LIPC: variants seen among roughly 807,000 people sequenced by gnomAD.
The protein encoded by LIPC is lipase C, hepatic type, also known as hepatic triacylglycerol lipase.
Under a neutral mutation model 50.7 loss-of-function variants are expected in LIPC, and 44 were observed. The ratio of observed to expected loss-of-function variants is 0.87; its 90% CI spans 0.68 to 1.11. LIPC has a LOEUF of 1.11. Ranked by LOEUF, LIPC falls within the 50% of genes most tolerant of loss-of-function variation. The probability of loss-of-function intolerance (pLI) is 0.00; values close to 1 mark genes in which losing one functional copy is unlikely to be tolerated. For synonymous variants in LIPC, 271 were observed against 256.4 expected (o/e 1.06, Z -0.54); for missense variants, 697 against 648.2 (o/e 1.08, Z -0.82).
chr15:58,504,325 G>A (rs1050487450), intron 1 of LIPC, among the ~76,000 whole-genome samples: 62 of 152,204 alleles, frequency 4.1e-4, no homozygotes, highest in Non-Finnish European at 1.5e-5. Context: ...TGCTCATTCT[G>A]AATTTATCTT....
At chr15:58,459,575 C>T (rs1232889711) in intron 1 of LIPC, among the ~76,000 whole-genome samples, 15 of 151,966 alleles carry the variant, frequency 9.9e-5, no homozygotes, top group African/African-American at 3.6e-4. Flanking sequence ...GAGAGTCCAC[C>T]AGCAAACAGG....
rs150258367 is a variant in LIPC at position 58,462,305 on chromosome 15, T to C, written c.88+30185T>C. On this transcript the variant is annotated intron_variant, in intron 1 of 8. Coordinates refer to ENST00000299022, the MANE Select transcript of LIPC (RefSeq NM_000236.3). ...AATGTTGATGACTGAATTGACATGATTGATTGATTGGATCAAATGAATGAA... is the reference window on the plus strand; with the variant it reads ...AATGTTGATGACTGAATTGACATGACTGATTGATTGGATCAAATGAATGAA... 4.9e-4 allele frequency among the ~76,000 whole-genome samples: 74 copies of C among 152,286 alleles called. 2 individuals are homozygous for C. The highest frequency in any genetic ancestry group is 1.7e-3 in the African/African-American group (69 of 41,558).
At chr15:58,504,463 C>T (rs1026675078) in intron 1 of LIPC, among the ~76,000 whole-genome samples, 5 of 152,126 alleles carry the variant, frequency 3.3e-5, no homozygotes, top group Non-Finnish European at 5.9e-5. Context: ...GACGTCAACA[C>T]CCCCCTCTCT....
chr15:58,478,174 T>C (rs916675248), intron 1 of LIPC, among the ~76,000 whole-genome samples: 1 of 152,154 alleles, frequency 6.6e-6, no homozygotes, highest in East Asian at 1.9e-4. Context: ...GAATAAATAA[T>C]AGTAGCTCAC....
chr15:58,485,172 T>C (rs1170920085), intron 1 of LIPC, among the ~76,000 whole-genome samples: 1 of 152,098 alleles, frequency 6.6e-6, no homozygotes. Flanking sequence ...TAGAATGCAT[T>C]GGAAGAGGAC....
At chr15:58,481,280 C>T (rs1467566131) in intron 1 of LIPC, among the ~76,000 whole-genome samples, 2 of 152,142 alleles carry the variant, frequency 1.3e-5, no homozygotes, top group Non-Finnish European at 2.9e-5. Flanking sequence ...TTTAAATGCA[C>T]ATACAATTTT....
At chr15:58,534,395 C>T (rs1277305325) in intron 1 of LIPC, among the ~76,000 whole-genome samples, 1 of 152,172 alleles carries the variant, frequency 6.6e-6, no homozygotes, top group African/African-American at 2.4e-5. Context: ...GAGGCTCAGA[C>T]CCCTGGGCTT....
At chr15:58,540,877 T>G (rs933775413) in intron 2 of LIPC, among the ~76,000 whole-genome samples, 3 of 152,242 alleles carry the variant, frequency 2.0e-5, no homozygotes, top group African/African-American at 7.2e-5. Context: ...CTCAGCTCAC[T>G]GCAGACTCGA....
intron 1 of LIPC, among the ~76,000 whole-genome samples, chr15:58,460,402 G>A (rs1336131654): frequency 6.6e-6 from 1 of 152,188 alleles, no homozygotes; most frequent in Non-Finnish European, 1.5e-5. Context: ...TGGGAGGCAG[G>A]GTGGGCACAG....
At position 58,567,214 on chromosome 15, in the gene LIPC, A is replaced by AAAT. The variant is rs1391248827; in HGVS notation, c.1389-1501_1389-1500insATA. Among the ~76,000 whole-genome samples the AAAT allele has an allele frequency of 1.4e-3, 189 of 136,736 alleles. 8 individuals carry two copies. The highest frequency in any genetic ancestry group is 7.3e-3 in the Middle Eastern group (2 of 274). 89.7% of individuals were successfully genotyped at this position (136,736 alleles called of 152,430 possible). ...AGACTCCGTCTCAAAAAAAATAAAA[A>AAAT]ATATATATATATATATGTATATATG... On this transcript the variant is annotated intron_variant, in intron 8 of 8. Coordinates refer to ENST00000299022, the MANE Select transcript of LIPC (RefSeq NM_000236.3).
At chr15:58,519,087 A>G (rs1892572070) in intron 1 of LIPC, among the ~76,000 whole-genome samples, 1 of 152,172 alleles carries the variant, frequency 6.6e-6, no homozygotes, top group Non-Finnish European at 1.5e-5. Context: ...GAAGTGCACA[A>G]TAAGTATTTG....
intron 6 of LIPC, among the ~76,000 whole-genome samples, chr15:58,550,965 T>C (rs1233592125): frequency 1.3e-5 from 2 of 148,770 alleles, no homozygotes; most frequent in Non-Finnish European, 2.9e-5. Context: ...GCCTCCTAAG[T>C]AGCTGGGATT....
chr15:58,482,103 T>C (rs1425530573), intron 1 of LIPC, among the ~76,000 whole-genome samples: 1 of 152,210 alleles, frequency 6.6e-6, no homozygotes, highest in South Asian at 2.1e-4. Flanking sequence ...TTCTTTTAAA[T>C]TTTAACTTTA....
chr15:58,565,896 G>C (rs1308597091), intron 8 of LIPC: 5 of 964,874 alleles, frequency 5.2e-6, no homozygotes, highest in Admixed American at 1.5e-4. Flanking sequence ...CACAGTGCCA[G>C]GTACTATCGG....
At position 58,459,261 on chromosome 15, in the gene LIPC, G is replaced by C. The variant is rs555928752; in HGVS notation, c.88+27141G>C. On this transcript the variant is annotated intron_variant, in intron 1 of 8. Coordinates refer to ENST00000299022, the MANE Select transcript of LIPC (RefSeq NM_000236.3). ...AACTTTGGCTTTTCCCAGCAAGCAGGAAGTGACATAGACAGTGTCTTTTTA... is the reference window on the plus strand; with the variant it reads ...AACTTTGGCTTTTCCCAGCAAGCAGCAAGTGACATAGACAGTGTCTTTTTA... Among the ~76,000 whole-genome samples, 3 of 152,290 alleles carry C rather than the reference G, an allele frequency of 2.0e-5. No individual in the cohort carries two copies. In the East Asian group the frequency reaches 5.8e-4, roughly 29 times the overall value.
chr15:58,477,152 G>C (rs1340420884), intron 1 of LIPC, among the ~76,000 whole-genome samples: 1 of 152,220 alleles, frequency 6.6e-6, no homozygotes, highest in African/African-American at 2.4e-5. Flanking sequence ...GAAGCTAGCA[G>C]GTTGTCTGTA....
rs1055615384 is a variant in LIPC at position 58,525,858 on chromosome 15, C to T, written c.89-12475C>T. Among the ~76,000 whole-genome samples, 4 of 152,232 alleles carry T rather than the reference C, an allele frequency of 2.6e-5. No homozygotes were observed. The East Asian group carries it at 7.7e-4, about 29-fold the overall frequency. On this transcript the variant is annotated intron_variant, in intron 1 of 8. Coordinates refer to ENST00000299022, the MANE Select transcript of LIPC (RefSeq NM_000236.3). ...TTCAAGGAGGAAGATGTTACAATAG[C>T]AATATCAATGCCTACTTCTACTACC... is the stretch of plus-strand genomic sequence containing the variant.
chr15:58,517,145 C>G (rs1892509481), intron 1 of LIPC, among the ~76,000 whole-genome samples: 1 of 152,236 alleles, frequency 6.6e-6, no homozygotes, highest in African/African-American at 2.4e-5. Flanking sequence ...CTTACTAAGT[C>G]TCCCTTCAAC....
At chr15:58,554,399 G>A (rs547541738) in intron 6 of LIPC, among the ~76,000 whole-genome samples, 10 of 152,286 alleles carry the variant, frequency 6.6e-5, no homozygotes, top group Admixed American at 1.3e-4. Flanking sequence ...GATTAAAAGC[G>A]TTTTCCCCAA....
Sources: gnomAD v4.1 joint callset for allele counts (sites outside exome capture counted in the v4.1 genomes callset) on GRCh38, gnomAD v4.1.1 for gene constraint, MANE v1.5 for transcripts, NCBI Gene and HGNC (gene_info 2026-07-23, HGNC 2026-07-21) for gene names.